Variants in MARCHF1 observed in about 807,000 individuals in gnomAD.
The protein encoded by MARCHF1 is E3 ubiquitin-protein ligase MARCHF1.
In MARCHF1, 40 loss-of-function variants were observed where a neutral mutation model predicts 54.2. The ratio of observed to expected loss-of-function variants is 0.74; its 90% CI spans 0.57 to 0.96. The LOEUF is 0.96. Ranked by LOEUF, MARCHF1 falls within the 40% of genes least tolerant of loss-of-function variation. The pLI is 0.00. For missense variants in MARCHF1, 586 were observed against 656.5 expected, an observed-to-expected ratio of 0.89 and a Z score of 1.17; for synonymous variants, 236 against 236.3, an observed-to-expected ratio of 1.00 and a Z score of 0.01.
In MARCHF1 at chr4:164,030,030, A is replaced by G. The variant is rs181306552; in HGVS notation, c.-247-41321T>C. Among the ~76,000 whole-genome samples, 358 of 152,374 alleles carry G rather than the reference A, an allele frequency of 2.3e-3. 4 individuals are homozygous for G. The highest frequency in any genetic ancestry group is 8.3e-3 in the African/African-American group (347 of 41,598). On this transcript the variant is annotated intron_variant, in intron 2 of 9. Transcript: ENST00000514618. ...ACAGTCAGTAACAAAAACACCAGAT[A>G]AAGAGAAAACCAATTAGCGGACAGC...
chr4:163,973,280 C>T (rs1752586230), intron 3 of MARCHF1, among the ~76,000 whole-genome samples: 1 of 152,188 alleles, frequency 6.6e-6, no homozygotes, highest in Non-Finnish European at 1.5e-5. Context: ...TTACATCAGC[C>T]TCAAATAATC....
chr4:164,065,371 T>C lies in MARCHF1; in HGVS notation c.-248+46217A>G, dbSNP rs1328170901. Among the ~76,000 whole-genome samples, 3 of 152,168 alleles carry C rather than the reference T, an allele frequency of 2.0e-5. No individual in the cohort carries two copies. In the South Asian group the frequency reaches 6.2e-4, roughly 31 times the overall value. ...CAACCTAGGCAATACCATATGGACA[T>C]AGGCATGGGCAAAGATTTCATGGCA... On this transcript the variant is annotated intron_variant, in intron 2 of 9. Transcript: ENST00000514618.
At chr4:163,627,196 T>C (rs867233234) in intron 5 of MARCHF1, among the ~76,000 whole-genome samples, 41 of 152,276 alleles carry the variant, frequency 2.7e-4, no homozygotes, top group African/African-American at 9.9e-4. Context: ...TTGAGGCCAA[T>C]GACAGGAAAT....
chr4:164,218,190 G>A (rs977135791), intron 1 of MARCHF1, among the ~76,000 whole-genome samples: 1 of 152,100 alleles, frequency 6.6e-6, no homozygotes, highest in Non-Finnish European at 1.5e-5. Context: ...TAAAATTATA[G>A]AGAAGTATCA....
intron 1 of MARCHF1, among the ~76,000 whole-genome samples, chr4:164,206,381 G>A (rs545439882): frequency 2.0e-5 from 3 of 152,154 alleles, no homozygotes; most frequent in Non-Finnish European, 4.4e-5. Context: ...AGGTTGCAGT[G>A]AGCCAAGGTC....
At chr4:164,094,292 G>C (rs1755363875) in intron 2 of MARCHF1, among the ~76,000 whole-genome samples, 2 of 152,176 alleles carry the variant, frequency 1.3e-5, no homozygotes, top group South Asian at 4.1e-4. Flanking sequence ...ATGGGCCCAG[G>C]TTAGTGAAGG....
chr4:164,128,074 AAAATGTGAGGAT>A (rs1210706213), intron 1 of MARCHF1, among the ~76,000 whole-genome samples: 1 of 152,198 alleles, frequency 6.6e-6, no homozygotes, highest in African/African-American at 2.4e-5. Flanking sequence ...TTTTAAAACA[AAAATGTGAGGAT>A]AAATGTGTAG....
At chr4:164,316,183 G>A (rs1734990482) in intron 1 of MARCHF1, among the ~76,000 whole-genome samples, 1 of 152,156 alleles carries the variant, frequency 6.6e-6, no homozygotes, top group South Asian at 2.1e-4. Flanking sequence ...ATTGGTAACA[G>A]AATCAGAACT....
At chr4:163,705,447 T>G (rs536474897) in intron 4 of MARCHF1, among the ~76,000 whole-genome samples, 65 of 152,044 alleles carry the variant, frequency 4.3e-4, no homozygotes, top group African/African-American at 1.6e-3. Flanking sequence ...GCATATGTCT[T>G]TGATACATGA....
intron 4 of MARCHF1, among the ~76,000 whole-genome samples, chr4:163,828,007 G>A (rs1478974136): frequency 8.5e-6 from 1 of 117,480 alleles, no homozygotes; most frequent in African/African-American, 3.2e-5. Flanking sequence ...AAAAGTGTGC[G>A]CAGGCATACA....
chr4:164,067,617 C>G (rs1754757420), intron 2 of MARCHF1, among the ~76,000 whole-genome samples: 1 of 152,070 alleles, frequency 6.6e-6, no homozygotes, highest in Non-Finnish European at 1.5e-5. Flanking sequence ...AGACCTCAAA[C>G]TATAAAAATG....
intron 3 of MARCHF1, among the ~76,000 whole-genome samples, chr4:163,864,526 C>G (rs911220905): frequency 2.0e-5 from 3 of 151,750 alleles, no homozygotes; most frequent in Non-Finnish European, 4.4e-5. Context: ...GAAAAAAATA[C>G]GAATGAAGTT....
intron 2 of MARCHF1, among the ~76,000 whole-genome samples, chr4:164,050,356 C>A (rs140570069): frequency 6.8e-6 from 1 of 146,550 alleles, no homozygotes; most frequent in Non-Finnish European, 1.5e-5. Flanking sequence ...TCTCTATTAA[C>A]GGCATTTCCA....
intron 2 of MARCHF1, among the ~76,000 whole-genome samples, chr4:164,025,463 G>T (rs1356215724): frequency 6.6e-6 from 1 of 152,014 alleles, no homozygotes; most frequent in Non-Finnish European, 1.5e-5. Context: ...GCACATAGAA[G>T]TTAAACAACT....
In MARCHF1 at chr4:164,221,807, C is replaced by G. The variant is rs1732121091; in HGVS notation, c.-322-110145G>C. Among the ~76,000 whole-genome samples the G allele has an allele frequency of 2.6e-5, 4 of 152,024 alleles. No individual in the cohort carries two copies. In the South Asian group the frequency reaches 8.3e-4, roughly 31 times the overall value. On this transcript the variant is annotated intron_variant, in intron 1 of 9. Coordinates refer to ENST00000514618, the MANE Select transcript of MARCHF1 (RefSeq NM_001394959.1). ...AAAGGTAAAGGGTTATGATAGCCAG[C>G]TGACTGGTTACATTCTGTTAGTCAG...
chr4:164,159,275 T>C (rs976468953), intron 1 of MARCHF1, among the ~76,000 whole-genome samples: 6 of 152,206 alleles, frequency 3.9e-5, no homozygotes, highest in African/African-American at 1.4e-4. Flanking sequence ...GGTGCAAAAG[T>C]AATCGTGGAT....
At chr4:163,819,657 T>C (rs575384308) in intron 4 of MARCHF1, among the ~76,000 whole-genome samples, 1 of 152,268 alleles carries the variant, frequency 6.6e-6, no homozygotes, top group South Asian at 2.1e-4. Flanking sequence ...CAGATGATCT[T>C]ACCTCTTACT....
intron 1 of MARCHF1, among the ~76,000 whole-genome samples, chr4:164,360,063 A>C (rs1730680732): frequency 6.6e-6 from 1 of 152,092 alleles, no homozygotes; most frequent in Admixed American, 6.5e-5. Context: ...TTGCACACCT[A>C]TTATAGCAAC....
intron 3 of MARCHF1, among the ~76,000 whole-genome samples, chr4:163,981,296 T>C (rs1012076807): frequency 6.6e-6 from 1 of 152,216 alleles, no homozygotes; most frequent in African/African-American, 2.4e-5. Flanking sequence ...TGCTTCACTT[T>C]CGTTATCCAG....
Sources: gnomAD v4.1 joint callset for allele counts (sites outside exome capture counted in the v4.1 genomes callset) on GRCh38, gnomAD v4.1.1 for gene constraint, MANE v1.5 for transcripts, NCBI Gene and HGNC (gene_info 2026-07-23, HGNC 2026-07-21) for gene names.